The following GALNT13 variants were observed in gnomAD, a reference collection of about 807,000 sequenced individuals.
GALNT13 encodes polypeptide N-acetylgalactosaminyltransferase 13.
A neutral mutation model predicts 64.2 loss-of-function variants in GALNT13; 28 were observed. The observed-to-expected ratio is 0.44, with a 90% CI of 0.32 to 0.60. The LOEUF (loss-of-function observed/expected upper bound fraction) is 0.60. Ranked by LOEUF, GALNT13 falls within the 20% of genes least tolerant of loss-of-function variation. GALNT13 has a pLI of 0.05. For synonymous variants in GALNT13, 214 were observed against 224.6 expected, an observed-to-expected ratio of 0.95 and a Z score of 0.42; for missense variants, 577 against 669.8, an observed-to-expected ratio of 0.86 and a Z score of 1.53.
chr2:153,648,987 GT>G, the GALNT13 span, among the ~76,000 whole-genome samples: 1 of 152,174 alleles, frequency 6.6e-6, no homozygotes, highest in Non-Finnish European at 1.5e-5. Flanking sequence ...CATAAAATGA[GT>G]TAGGGAGGAT....
intron 4 of GALNT13, among the ~76,000 whole-genome samples, chr2:154,168,648 C>T (rs1685169938): frequency 1.5e-5 from 2 of 130,448 alleles, no homozygotes. Flanking sequence ...GCCTGGCCAA[C>T]ATAGTGAAAC....
chr2:153,225,597 T>C, the GALNT13 span, among the ~76,000 whole-genome samples: 1 of 152,168 alleles, frequency 6.6e-6, no homozygotes, highest in African/African-American at 2.4e-5. Flanking sequence ...AAACATCTGT[T>C]AAAAACCTCT....
At chr2:153,926,697 G>A (rs898598192) in intron 2 of GALNT13, among the ~76,000 whole-genome samples, 1 of 152,002 alleles carries the variant, frequency 6.6e-6, no homozygotes, top group Non-Finnish European at 1.5e-5. Context: ...AGTCCTTTGG[G>A]TCTGTTGGTC....
At chr2:153,082,612 TATATATACACACACACACAC>T in the GALNT13 span, among the ~76,000 whole-genome samples, 2,361 of 38,088 alleles carry the variant, frequency 0.062, 27 homozygotes, top group Non-Finnish European at 0.09. Flanking sequence ...TATATATATA[TATATATACACACACACACAC>T]ACACACACAC....
chr2:153,914,372 C>A (rs1178042090), intron 2 of GALNT13, among the ~76,000 whole-genome samples: 1 of 151,268 alleles, frequency 6.6e-6, no homozygotes, highest in East Asian at 2.0e-4. Flanking sequence ...GTAGTCCCAG[C>A]TACCTGGGAG....
chr2:153,436,615 T>C, the GALNT13 span, among the ~76,000 whole-genome samples: 2 of 152,256 alleles, frequency 1.3e-5, no homozygotes, highest in Non-Finnish European at 2.9e-5. Flanking sequence ...TTTATTTGCA[T>C]AGAGGTGTTT....
intron 4 of GALNT13, among the ~76,000 whole-genome samples, chr2:154,209,824 A>G (rs1308609794): frequency 2.0e-5 from 3 of 152,210 alleles, no homozygotes; most frequent in South Asian, 2.1e-4. Context: ...TCTAATTAAC[A>G]TATAAACCAC....
At chr2:153,367,761 A>G in the GALNT13 span, among the ~76,000 whole-genome samples, 1 of 152,134 alleles carries the variant, frequency 6.6e-6, no homozygotes, top group Non-Finnish European at 1.5e-5. Context: ...AGCAATAATA[A>G]TAGGGTGTAT....
At chr2:154,275,841 G>T (rs1006662891) in intron 8 of GALNT13, among the ~76,000 whole-genome samples, 2 of 151,156 alleles carry the variant, frequency 1.3e-5, no homozygotes, top group Admixed American at 6.6e-5. Flanking sequence ...ACAGGAGAGG[G>T]ACTATCCCCT....
intron 2 of GALNT13, among the ~76,000 whole-genome samples, chr2:153,925,076 A>T (rs574140440): frequency 6.6e-6 from 1 of 151,954 alleles, no homozygotes. Context: ...CCATTTGTCA[A>T]TTTTTGCTTT....
chr2:154,185,409 T>C (rs1025932604), intron 4 of GALNT13, among the ~76,000 whole-genome samples: 5 of 152,054 alleles, frequency 3.3e-5, no homozygotes, highest in Non-Finnish European at 1.5e-5. Context: ...TTGAAACGTT[T>C]TTTGTCATGA....
chr2:153,568,109 A>C, the GALNT13 span, among the ~76,000 whole-genome samples: 1 of 152,216 alleles, frequency 6.6e-6, no homozygotes. Context: ...GAGCTCTGAA[A>C]TTCTAGTTCT....
At chr2:154,129,038 G>GT (rs577208054) in intron 3 of GALNT13, among the ~76,000 whole-genome samples, 22 of 151,966 alleles carry the variant, frequency 1.4e-4, no homozygotes, top group African/African-American at 4.6e-4. Flanking sequence ...TTATTTTATT[G>GT]TTTTTTTAGC....
chr2:154,144,407 A>G (rs904736419), intron 4 of GALNT13, among the ~76,000 whole-genome samples: 2 of 152,212 alleles, frequency 1.3e-5, no homozygotes, highest in African/African-American at 4.8e-5. Context: ...TTGGATAATT[A>G]TATCTTAAAA....
At chr2:153,246,576 C>T in the GALNT13 span, among the ~76,000 whole-genome samples, 4 of 152,166 alleles carry the variant, frequency 2.6e-5, no homozygotes, top group Non-Finnish European at 5.9e-5. Flanking sequence ...AGAAGTAAAA[C>T]ACTTTACAAA....
chr2:153,579,768 T>C, the GALNT13 span, among the ~76,000 whole-genome samples: 3 of 152,026 alleles, frequency 2.0e-5, no homozygotes, highest in African/African-American at 4.8e-5. Context: ...TACATTCTCA[T>C]TGGAGCATGA....
chr2:153,724,049 A>T, the GALNT13 span, among the ~76,000 whole-genome samples: 115 of 146,392 alleles, frequency 7.9e-4, 3 homozygotes, highest in East Asian at 0.022. Flanking sequence ...ACCTGACTTC[A>T]AACTATACTA....
chr2:153,183,122 T>A, the GALNT13 span, among the ~76,000 whole-genome samples: 1 of 152,188 alleles, frequency 6.6e-6, no homozygotes, highest in South Asian at 2.1e-4. Flanking sequence ...TTTTTCTTCA[T>A]AACCTCACCA....
At chr2:154,038,242 A>G (rs571329810) in intron 3 of GALNT13, among the ~76,000 whole-genome samples, 7 of 152,308 alleles carry the variant, frequency 4.6e-5, no homozygotes, top group African/African-American at 1.7e-4. Flanking sequence ...TAAAATTTCA[A>G]TGACATTTTT....
Sources: gnomAD v4.1 joint callset for allele counts (sites outside exome capture counted in the v4.1 genomes callset) on GRCh38, gnomAD v4.1.1 for gene constraint, MANE v1.5 for transcripts, NCBI Gene and HGNC (gene_info 2026-07-23, HGNC 2026-07-21) for gene names.